Variants in SLC7A9 observed in about 807,000 individuals in gnomAD.
SLC7A9 encodes the protein solute carrier family 7 member 9.
SLC7A9 carries 38 observed loss-of-function variants against 54.1 expected under a neutral mutation model. The observed-to-expected ratio is 0.70, with a 90% CI of 0.54 to 0.92. The LOEUF (loss-of-function observed/expected upper bound fraction) is 0.92, where lower values mean the gene tolerates loss of function less well. Ranked by LOEUF, SLC7A9 falls within the 40% of genes least tolerant of loss-of-function variation. The pLI is 0.00. For synonymous variants in SLC7A9, 264 were observed against 258.9 expected, an observed-to-expected ratio of 1.02 and a Z score of -0.19; for missense variants, 537 against 636.1, an observed-to-expected ratio of 0.84 and a Z score of 1.68.
At chr19:32,830,764 G>T in intron 12 of SLC7A9, 80 bp from the exon 13 acceptor site, 3 of 1,158,002 alleles carry the variant, frequency 2.6e-6, no homozygotes, top group Non-Finnish European at 3.9e-6. Flanking sequence ...GGGTGAGGGT[G>T]ACATTGTTTT....
At chr19:32,837,887 T>A (rs1302045201) in intron 11 of SLC7A9, among the ~76,000 whole-genome samples, 2 of 152,206 alleles carry the variant, frequency 1.3e-5, no homozygotes, top group Admixed American at 1.3e-4. Context: ...TGAAAGCATT[T>A]AGAGATGCAT....
chr19:32,854,658 G>A lies in SLC7A9; in HGVS notation c.977+3782C>T, dbSNP rs564340398. On this transcript the variant is annotated intron_variant, in intron 9 of 12. Transcript: ENST00000023064. ...GGCTGGAGTGCACTGGTGCGATCTCGGCTCACTGCAACCTCTGCTTCCCGG... is the reference window on the plus strand; with the variant it reads ...GGCTGGAGTGCACTGGTGCGATCTCAGCTCACTGCAACCTCTGCTTCCCGG... 2.6e-5 allele frequency among the ~76,000 whole-genome samples: 4 copies of A among 152,140 alleles called. No individual in the cohort carries two copies. In the South Asian group the frequency reaches 6.2e-4, roughly 24 times the overall value.
At chr19:32,861,739 C>T (rs746753628) in intron 6 of SLC7A9, among the ~76,000 whole-genome samples, 10 of 152,026 alleles carry the variant, frequency 6.6e-5, no homozygotes, top group Admixed American at 1.3e-4. Flanking sequence ...GACTTGAGCC[C>T]AGGAGCTCAA....
rs535782134 is a variant in SLC7A9 at position 32,868,593 on chromosome 19, A to G, written c.-59T>C. 2.1e-6 allele frequency: 3 copies of G among 1,430,726 alleles called. No individual in the cohort carries two copies. In the Admixed American group the frequency reaches 5.0e-5, roughly 24 times the overall value. The allele number at this position is 1,430,726 out of a possible 1,614,324, so 88.6% of individuals were successfully genotyped here. A position where few individuals can be genotyped will look rare whatever the true frequency, so the allele number is the denominator to read the frequency against. On this transcript the variant is annotated 5_prime_UTR_variant, in exon 2 of 13. Transcript: ENST00000023064. ...AGGGCGCACAGCTAAATCTTGGTTC[A>G]GCAGCAGCAGACAAGACGCAAGTGC...
At chr19:32,858,390 T>C in intron 9 of SLC7A9, 50 bp downstream of exon 9, 1 of 1,323,360 alleles carries the variant, frequency 7.6e-7, no homozygotes, top group Admixed American at 1.7e-5. Flanking sequence ...GGGGTGATAT[T>C]GCTTTCGCCG....
At chr19:32,835,913 G>C (rs199659277) in intron 11 of SLC7A9, among the ~76,000 whole-genome samples, 2 of 49,478 alleles carry the variant, frequency 4.0e-5, no homozygotes, top group African/African-American at 1.9e-4. Context: ...GTGTGTGTAT[G>C]TGTGTGTGTG....
intron 4 of SLC7A9, among the ~76,000 whole-genome samples, chr19:32,863,464 A>AT (rs1448264526): frequency 6.6e-6 from 1 of 151,962 alleles, no homozygotes; most frequent in African/African-American, 2.4e-5. Context: ...GGCTCAAGTG[A>AT]TCCCCCCTCC....
intron 9 of SLC7A9, among the ~76,000 whole-genome samples, chr19:32,852,894 A>G (rs1968509380): frequency 6.7e-6 from 1 of 150,174 alleles, no homozygotes; most frequent in African/African-American, 2.5e-5. Flanking sequence ...TTACAAGACC[A>G]AAGCTATAAA....
chr19:32,838,695 T>C (rs1229747752), intron 11 of SLC7A9, among the ~76,000 whole-genome samples: 1 of 105,636 alleles, frequency 9.5e-6, no homozygotes, highest in Non-Finnish European at 2.1e-5. Flanking sequence ...ATTATATATG[T>C]ATATATGTAC....
At chr19:32,868,981 G>A (rs1339916752) in intron 1 of SLC7A9, among the ~76,000 whole-genome samples, 1 of 151,814 alleles carries the variant, frequency 6.6e-6, no homozygotes, top group Non-Finnish European at 1.5e-5. Context: ...GGCCGAGGTG[G>A]GTGGATCACT....
chr19:32,836,725 G>A (rs1377302160), intron 11 of SLC7A9, among the ~76,000 whole-genome samples: 1 of 152,138 alleles, frequency 6.6e-6, no homozygotes, highest in Non-Finnish European at 1.5e-5. Flanking sequence ...TGTTATTAAC[G>A]TGTTTCTCCC....
chr19:32,842,178 C>G lies in SLC7A9; in HGVS notation c.1214G>C (p.Arg405Thr), dbSNP rs558617698. The change falls in exon 11 of 13, where the codon AGG becomes ACG. Residue 405 changes from arginine to threonine, a missense_variant. Physicochemically the swap from Arg to Thr is moderately conservative, Grantham distance 71. Coordinates refer to ENST00000023064, the MANE Select transcript of SLC7A9 (RefSeq NM_014270.5). ...VMRFTRKELE[R>T]PIKVPVVIPV... is the part of the protein sequence containing the mutation. ...GGGCTGCAAGCTTACCTTGATAGGC[C>G]TTTCCAGCTCTTTCCTTGTAAATCT... 6.2e-7 allele frequency: 1 copy of G among 1,614,154 alleles called. No homozygotes were observed. Among genetic ancestry groups the G allele is most frequent in the South Asian group, 1.1e-5 (1 of 91,080 alleles).
chr19:32,868,627 C>T lies in SLC7A9; in HGVS notation c.-93G>A. On this transcript the variant is annotated 5_prime_UTR_variant, in exon 2 of 13. Transcript: ENST00000023064. ...AGACAAGACGCAAGTGCAAGCTCGG[C>T]CTGGACTAGGGGAGCTGGCTGCAAA... 1 of 1,062,844 alleles carries T rather than the reference C, an allele frequency of 9.4e-7. No individual in the cohort carries two copies. The highest frequency in any genetic ancestry group is 1.5e-6 in the Non-Finnish European group (1 of 681,680). 65.8% of individuals were successfully genotyped at this position (1,062,844 alleles called of 1,614,324 possible). A position where few individuals can be genotyped will look rare whatever the true frequency, so the allele number is the denominator to read the frequency against.
intron 11 of SLC7A9, among the ~76,000 whole-genome samples, chr19:32,840,781 G>C (rs192469487): frequency 6.6e-6 from 1 of 152,116 alleles, no homozygotes; most frequent in Non-Finnish European, 1.5e-5. Context: ...TCCCCTGGGG[G>C]TCCTCTGATC....
intron 6 of SLC7A9, 49 bp from the exon 7 acceptor site, chr19:32,860,699 G>A (rs760729290): frequency 1.4e-5 from 22 of 1,610,674 alleles, no homozygotes; most frequent in East Asian, 2.2e-5. Flanking sequence ...TTTCTTTTTC[G>A]ATAATGAAAC....
chr19:32,836,964 G>A (rs752790662), intron 11 of SLC7A9, among the ~76,000 whole-genome samples: 54 of 152,096 alleles, frequency 3.6e-4, no homozygotes, highest in Non-Finnish European at 6.3e-4. Flanking sequence ...ATTTTTCACA[G>A]CTTTGAAGAT....
chr19:32,853,574 A>G (rs1968529917), intron 9 of SLC7A9, among the ~76,000 whole-genome samples: 1 of 152,150 alleles, frequency 6.6e-6, no homozygotes, highest in East Asian at 1.9e-4. Context: ...AAATTTGACA[A>G]AAGATGTGCA....
chr19:32,854,490 G>A (rs1389938384), intron 9 of SLC7A9, among the ~76,000 whole-genome samples: 2 of 152,122 alleles, frequency 1.3e-5, no homozygotes, highest in Non-Finnish European at 2.9e-5. Flanking sequence ...TCACCCCTTA[G>A]ACAAGAAATC....
At chr19:32,852,905 CTTTTTTTTTT>C (rs56119122) in intron 9 of SLC7A9, among the ~76,000 whole-genome samples, 27 of 97,596 alleles carry the variant, frequency 2.8e-4, no homozygotes, top group Non-Finnish European at 5.1e-4. Context: ...AAGCTATAAA[CTTTTTTTTTT>C]TTTTTTTTTT....
Sources: gnomAD v4.1 joint callset for allele counts (sites outside exome capture counted in the v4.1 genomes callset) on GRCh38, gnomAD v4.1.1 for gene constraint, MANE v1.5 for transcripts, NCBI Gene and HGNC (gene_info 2026-07-23, HGNC 2026-07-21) for gene names.